Variants in MAP4 observed in about 807,000 individuals in gnomAD.
The protein encoded by MAP4 is microtubule associated protein 4, also known as microtubule-associated protein 4.
In MAP4, 76 loss-of-function variants were observed where a neutral mutation model predicts 170.2. The ratio of observed to expected loss-of-function variants is 0.45; its 90% confidence interval spans 0.37 to 0.54. The LOEUF (loss-of-function observed/expected upper bound fraction) is 0.54, where lower values mean the gene tolerates loss of function less well. Ranked by LOEUF, MAP4 falls within the 20% of genes least tolerant of loss-of-function variation. The pLI is 0.00. For missense variants in MAP4, 2,506 were observed against 2,748.0 expected (o/e 0.91, Z 1.97); for synonymous variants, 909 against 994.5 (o/e 0.91, Z 1.62).
chr3:47,989,525 T>C (rs550166125), intron 2 of MAP4, among the ~76,000 whole-genome samples: 2 of 152,236 alleles, frequency 1.3e-5, no homozygotes, highest in East Asian at 1.9e-4. Flanking sequence ...CAACCACCTA[T>C]AGAATAACTG....
intron 1 of MAP4, among the ~76,000 whole-genome samples, chr3:48,036,306 C>T (rs1328516719): frequency 1.3e-5 from 2 of 152,212 alleles, no homozygotes; most frequent in East Asian, 3.8e-4. Context: ...CCACCCACAG[C>T]CACCCAATCC....
rs1413646455 is a variant in MAP4 at position 47,955,431 on chromosome 3, C to CACGT, written c.292+22430_292+22433dup. Among the ~76,000 whole-genome samples, 193 of 109,938 alleles carry CACGT rather than the reference C, an allele frequency of 1.8e-3. 2 individuals carry two copies. The highest frequency in any genetic ancestry group is 6.0e-3 in the African/African-American group (187 of 31,256). 72.1% of individuals were successfully genotyped at this position (109,938 alleles called of 152,430 possible). A position where few individuals can be genotyped will look rare whatever the true frequency, so the allele number is the denominator to read the frequency against. Reference sequence around the variant, plus strand: ...CATTCCAAAAAAATAAATAAATAAGCACGTACACACACACACACACACACA... The same window carrying CACGT: ...CATTCCAAAAAAATAAATAAATAAGCACGTACGTACACACACACACACACACACA... On this transcript the variant is annotated intron_variant, in intron 3 of 20. Transcript: ENST00000683076.
chr3:47,925,469 G>A (rs932477727), intron 4 of MAP4, among the ~76,000 whole-genome samples: 3 of 152,120 alleles, frequency 2.0e-5, no homozygotes, highest in African/African-American at 4.8e-5. Flanking sequence ...CAGCCTGGGC[G>A]ACAGAGGGAG....
At chr3:48,044,231 T>C (rs1301907704) in intron 1 of MAP4, among the ~76,000 whole-genome samples, 1 of 151,334 alleles carries the variant, frequency 6.6e-6, no homozygotes, top group Non-Finnish European at 1.5e-5. Context: ...CTCGGTTCAC[T>C]GTAAGCTCCA....
intron 17 of MAP4, 42 bp from the exon 18 acceptor site, chr3:47,857,554 T>C: frequency 7.1e-7 from 1 of 1,406,506 alleles, no homozygotes; most frequent in Non-Finnish European, 1.0e-6. Context: ...AGAGAAGGTA[T>C]ACTGTCAGAG....
At chr3:47,995,413 G>A (rs2100094910) in intron 2 of MAP4, among the ~76,000 whole-genome samples, 1 of 151,834 alleles carries the variant, frequency 6.6e-6, no homozygotes, top group Non-Finnish European at 1.5e-5. Context: ...ATTACCCCTG[G>A]CTAATTTTTG....
At chr3:47,941,457 T>G (rs184867355) in intron 3 of MAP4, among the ~76,000 whole-genome samples, 1 of 151,878 alleles carries the variant, frequency 6.6e-6, no homozygotes, top group Non-Finnish European at 1.5e-5. Context: ...TGTGTTCTAT[T>G]AAGACAGACA....
At position 47,917,038 on chromosome 3, in the gene MAP4, G is replaced by C; in HGVS notation, c.789C>G (p.Asp263Glu). 6.2e-7 allele frequency: 1 copy of C among 1,614,146 alleles called. No homozygotes were observed. Among genetic ancestry groups the C allele is most frequent in the South Asian group, 1.1e-5 (1 of 91,084 alleles). ...CCTCGGTTTTTGTAGCTAGTGCCAT[G>C]TCCTTGGCGAGGGCCATCTCTGTTT... is the stretch of plus-strand genomic sequence containing the variant. ...SKETEMALAK[D>E]MALATKTEVA... Residue 263 changes from aspartate to glutamate, a missense_variant, in exon 7 of 21, where the codon GAC becomes GAG. Physicochemically the swap from Asp to Glu is conservative, Grantham distance 45 (BLOSUM62 2). This residue lies in a region of MAP4 where 2,008 missense variants were observed against 2,206.0 expected (regional missense o/e 0.91). Transcript: ENST00000683076.
intron 17 of MAP4, among the ~76,000 whole-genome samples, chr3:47,864,727 C>T (rs1307531147): frequency 2.0e-5 from 3 of 152,066 alleles, no homozygotes; most frequent in African/African-American, 7.2e-5. Flanking sequence ...ATTAGCTAGG[C>T]ATGGTGGCAG....
chr3:47,966,011 T>G (rs2100074663), intron 3 of MAP4, among the ~76,000 whole-genome samples: 1 of 152,108 alleles, frequency 6.6e-6, no homozygotes, highest in African/African-American at 2.4e-5. Flanking sequence ...GCCTTGGTGC[T>G]TTGTTTAGGT....
At chr3:48,011,419 G>T in intron 1 of MAP4, among the ~76,000 whole-genome samples, 1 of 151,974 alleles carries the variant, frequency 6.6e-6, no homozygotes, top group Non-Finnish European at 1.5e-5. Context: ...TTATTTAGAT[G>T]GTATGCACCT....
At chr3:47,875,987 T>C in intron 11 of MAP4, 87 bp from the exon 12 acceptor site, 1 of 993,532 alleles carries the variant, frequency 1.0e-6, no homozygotes, top group Non-Finnish European at 1.5e-6. Context: ...TTAAAAAAAG[T>C]ATAAATTGCA....
intron 10 of MAP4, chr3:47,891,607 C>T: frequency 6.5e-7 from 1 of 1,535,926 alleles, no homozygotes; most frequent in Non-Finnish European, 8.7e-7. Context: ...TGCGCACTGC[C>T]TTTTTCTGCT....
intron 12 of MAP4, among the ~76,000 whole-genome samples, 156 bp downstream of exon 12, chr3:47,875,529 G>C (rs979230337): frequency 1.3e-5 from 2 of 152,098 alleles, no homozygotes; most frequent in African/African-American, 2.4e-5. Flanking sequence ...GTCCAGAGTA[G>C]CCATGCCAAT....
intron 1 of MAP4, among the ~76,000 whole-genome samples, chr3:48,070,322 C>A (rs1038676689): frequency 1.4e-4 from 22 of 151,782 alleles, no homozygotes; most frequent in Non-Finnish European, 3.1e-4. Flanking sequence ...AGCCACCATG[C>A]CCAACCACGG....
At chr3:48,001,345 T>G (rs563175260) in intron 1 of MAP4, among the ~76,000 whole-genome samples, 1 of 152,182 alleles carries the variant, frequency 6.6e-6, no homozygotes, top group Non-Finnish European at 1.5e-5. Flanking sequence ...AATAATCAAT[T>G]ATATTTATAT....
chr3:47,958,367 G>T (rs555401897), intron 3 of MAP4, among the ~76,000 whole-genome samples: 2 of 152,288 alleles, frequency 1.3e-5, no homozygotes, highest in East Asian at 3.9e-4. Context: ...ATAGGTAACT[G>T]AAGAAAGAAG....
chr3:48,056,193 A>T (rs62260845), intron 1 of MAP4, among the ~76,000 whole-genome samples: 3 of 86,532 alleles, frequency 3.5e-5, no homozygotes, highest in Non-Finnish European at 7.8e-5. Context: ...CCCGCCAGCC[A>T]TGCCGTCCGG....
intron 3 of MAP4, among the ~76,000 whole-genome samples, chr3:47,947,996 ATTCT>A (rs1219351690): frequency 1.3e-5 from 2 of 150,882 alleles, no homozygotes; most frequent in South Asian, 2.1e-4. Flanking sequence ...ACCATGACCT[ATTCT>A]TTCTTTTTTT....
Sources: gnomAD v4.1 joint callset for allele counts (sites outside exome capture counted in the v4.1 genomes callset) on GRCh38, gnomAD v4.1.1 for gene constraint, gnomAD v4.1.1 regional missense constraint, MANE v1.5 for transcripts, NCBI Gene and HGNC (gene_info 2026-07-23, HGNC 2026-07-21) for gene names.